OCIAD1: variants seen among roughly 807,000 people sequenced by gnomAD.
OCIAD1 encodes OCIA domain-containing protein 1.
In OCIAD1, 29 loss-of-function variants were observed where a neutral mutation model predicts 38.9. That is an observed-to-expected ratio of 0.74 (90% CI 0.55 to 1.02). OCIAD1 has a LOEUF of 1.02. Ranked by LOEUF, OCIAD1 falls within the 50% of genes least tolerant of loss-of-function variation. The pLI is 0.00. For synonymous variants in OCIAD1, 110 were observed against 92.0 expected, an observed-to-expected ratio of 1.20 and a Z score of -1.12; for missense variants, 288 against 289.6, an observed-to-expected ratio of 0.99 and a Z score of 0.04.
chr4:48,836,539 G>A (rs994684863), intron 3 of OCIAD1, among the ~76,000 whole-genome samples: 2 of 152,216 alleles, frequency 1.3e-5, no homozygotes, highest in Non-Finnish European at 1.5e-5. Flanking sequence ...AGTTGTGTTG[G>A]TGAATTCGCC....
chr4:48,842,310 T>C (rs566546776), intron 3 of OCIAD1, among the ~76,000 whole-genome samples: 51 of 152,362 alleles, frequency 3.3e-4, no homozygotes, highest in African/African-American at 1.2e-3. Flanking sequence ...TCCCCTTCTC[T>C]TACTTCAGAA....
At chr4:48,820,982 C>G (rs1579035965) in intron 1 of OCIAD1, among the ~76,000 whole-genome samples, 1 of 152,242 alleles carries the variant, frequency 6.6e-6, no homozygotes, top group Admixed American at 6.5e-5. Flanking sequence ...CAAGGAGGAG[C>G]TGGTACCATT....
chr4:48,826,251 C>T (rs1311658541), upstream of OCIAD1, among the ~76,000 whole-genome samples: 8 of 152,020 alleles, frequency 5.3e-5, no homozygotes, highest in Non-Finnish European at 1.0e-4. Context: ...GTGCTGCACC[C>T]ATTAACTCAT....
chr4:48,824,493 G>A (rs1211078806), intron 1 of OCIAD1, among the ~76,000 whole-genome samples: 8 of 151,666 alleles, frequency 5.3e-5, no homozygotes, highest in Admixed American at 3.9e-4. Context: ...TGATCCTGTC[G>A]CCTCCACCTC....
intron 7 of OCIAD1, among the ~76,000 whole-genome samples, chr4:48,854,270 A>G (rs1295480279): frequency 6.6e-6 from 1 of 152,150 alleles, no homozygotes; most frequent in African/African-American, 2.4e-5. Context: ...TAGTGTAGAC[A>G]GTGTGGATAT....
chr4:48,853,166 A>G (rs1034042575), intron 7 of OCIAD1, among the ~76,000 whole-genome samples: 26 of 152,214 alleles, frequency 1.7e-4, no homozygotes, highest in Middle Eastern at 3.4e-3. Context: ...GGTGTGAGCC[A>G]CTGCCCCCGG....
intron 1 of OCIAD1, among the ~76,000 whole-genome samples, chr4:48,810,118 A>G (rs763242111): frequency 6.6e-6 from 1 of 152,056 alleles, no homozygotes; most frequent in Non-Finnish European, 1.5e-5. Flanking sequence ...GAAATATTAG[A>G]TATTATTATT....
intron 3 of OCIAD1, among the ~76,000 whole-genome samples, chr4:48,838,454 C>G (rs1372884242): frequency 6.6e-6 from 1 of 152,130 alleles, no homozygotes; most frequent in Non-Finnish European, 1.5e-5. Context: ...ATTTCACTCT[C>G]AAAACAGATA....
chr4:48,845,462 T>C (rs1778900730), intron 4 of OCIAD1, among the ~76,000 whole-genome samples: 1 of 152,230 alleles, frequency 6.6e-6, no homozygotes, highest in South Asian at 2.1e-4. Flanking sequence ...GGCATATTCC[T>C]AAGATTTTTC....
At chr4:48,830,912 T>A (rs1183990798), upstream of OCIAD1, 3 of 156,310 alleles carry the variant, frequency 1.9e-5, no homozygotes, top group East Asian at 5.7e-4. Flanking sequence ...GGGTTCTTGG[T>A]CCGCCGCTGT....
At chr4:48,812,417 G>T (rs1022047733) in intron 1 of OCIAD1, among the ~76,000 whole-genome samples, 2 of 150,700 alleles carry the variant, frequency 1.3e-5, no homozygotes, top group African/African-American at 2.4e-5. Flanking sequence ...TCCAAGGCCT[G>T]TCTGAGTCAA....
At chr4:48,848,180 T>G (rs1192808376) in intron 4 of OCIAD1, among the ~76,000 whole-genome samples, 1 of 152,148 alleles carries the variant, frequency 6.6e-6, no homozygotes, top group Non-Finnish European at 1.5e-5. Context: ...CATCAAGTGA[T>G]CTTTCTAAAT....
At chr4:48,855,455 T>G (rs555611047) in intron 7 of OCIAD1, among the ~76,000 whole-genome samples, 2 of 152,214 alleles carry the variant, frequency 1.3e-5, no homozygotes, top group Non-Finnish European at 2.9e-5. Flanking sequence ...TAGAACTAAT[T>G]AGGAGAAATT....
chr4:48,815,169 C>T (rs1424668311), intron 1 of OCIAD1, among the ~76,000 whole-genome samples: 11 of 152,170 alleles, frequency 7.2e-5, no homozygotes, highest in Admixed American at 1.3e-4. Flanking sequence ...AAAAATTACC[C>T]GGATGTGGTG....
chr4:48,838,851 C>T (rs1308851836), intron 3 of OCIAD1, among the ~76,000 whole-genome samples: 1 of 152,138 alleles, frequency 6.6e-6, no homozygotes, highest in East Asian at 1.9e-4. Flanking sequence ...TGTTTCTATA[C>T]TGACCTACAT....
At chr4:48,825,736 T>C (rs1777243756) in intron 1 of OCIAD1, among the ~76,000 whole-genome samples, 1 of 152,146 alleles carries the variant, frequency 6.6e-6, no homozygotes, top group Non-Finnish European at 1.5e-5. Context: ...CTATTAATTA[T>C]CCCTTCTTGC....
At chr4:48,848,992 G>T (rs1779193086) in intron 5 of OCIAD1, among the ~76,000 whole-genome samples, 1 of 152,166 alleles carries the variant, frequency 6.6e-6, no homozygotes, top group Admixed American at 6.5e-5. Flanking sequence ...CATGTCCTCT[G>T]TAGGGACATG....
At chr4:48,851,090 A>T (rs1284295509) in intron 6 of OCIAD1, among the ~76,000 whole-genome samples, 1 of 152,232 alleles carries the variant, frequency 6.6e-6, no homozygotes, top group Non-Finnish European at 1.5e-5. Flanking sequence ...TCCCCATGAG[A>T]GAGAATTTGT....
intron 1 of OCIAD1, among the ~76,000 whole-genome samples, chr4:48,832,085 T>A (rs1423055289): frequency 6.6e-6 from 1 of 152,224 alleles, no homozygotes; most frequent in Non-Finnish European, 1.5e-5. Context: ...TTGCTGTTAG[T>A]TTTACCTCAC....
Sources: allele counts gnomAD v4.1 joint callset (sites outside exome capture counted in the v4.1 genomes callset), GRCh38; gene constraint gnomAD v4.1.1; transcripts MANE v1.5; gene names NCBI Gene and HGNC (gene_info 2026-07-23, HGNC 2026-07-21).